Variants in CYP2E1 observed in about 807,000 individuals in gnomAD.
The protein encoded by CYP2E1 is cytochrome P450 2E1.
A neutral mutation model predicts 42.9 loss-of-function variants in CYP2E1; 31 were observed. The observed-to-expected ratio is 0.72, with a 90% confidence interval of 0.54 to 0.98. The LOEUF (loss-of-function observed/expected upper bound fraction) is 0.98, where lower values mean the gene tolerates loss of function less well. CYP2E1 is among the 50% of genes least tolerant of loss of function. The pLI is 0.00. For missense variants in CYP2E1, 565 were observed against 633.2 expected (o/e 0.89, Z 1.16); for synonymous variants, 244 against 248.9 (o/e 0.98, Z 0.19).
intron 4 of CYP2E1, among the ~76,000 whole-genome samples, chr10:133,532,486 T>C (rs748243360): frequency 1.3e-5 from 2 of 152,106 alleles, no homozygotes; most frequent in Non-Finnish European, 2.9e-5. Flanking sequence ...CGTCAGGATG[T>C]GTATCGACCT....
In CYP2E1 at chr10:133,532,820, C is replaced by T; in HGVS notation, c.777C>T (p.Pro259=). ...RVKEHHQSLD[P]NCPRDLTDCL... ...AGGAGCACCATCAATCTCTGGACCC[C>T]AACTGTCCCCGGGACCTCACCGACT... Residue 259 remains proline, a synonymous_variant, in exon 5 of 9, where the codon CCC becomes CCT. Transcript: ENST00000252945. The T allele has an allele frequency of 6.2e-7, 1 of 1,612,968 alleles. No homozygotes were observed. Among genetic ancestry groups the T allele is most frequent in the East Asian group, 2.2e-5 (1 of 44,792 alleles).
rs747170540 is a variant in CYP2E1 at position 133,528,569 on chromosome 10, C to T, written c.266C>T (p.Ala89Val). 9 of 1,613,414 alleles carry T rather than the reference C, an allele frequency of 5.6e-6. No homozygotes were observed. Among genetic ancestry groups the T allele is most frequent in the African/African-American group, 1.3e-5 (1 of 74,920 alleles). ...CACGGCTACAAGGCGGTGAAGGAAG[C>T]GCTGCTGGACTACAAGGACGAGTTC... Reference protein sequence around the residue: ...VMHGYKAVKEALLDYKDEFSG... With the variant: ...VMHGYKAVKEVLLDYKDEFSG... The change falls in exon 2 of 9, where the codon GCG (alanine) becomes GTG (valine). Residue 89 changes from alanine to valine, a missense_variant. By Grantham distance (64) the Ala-to-Val change is moderately conservative. Coordinates refer to ENST00000252945, the MANE Select transcript of CYP2E1 (RefSeq NM_000773.4).
In CYP2E1 at chr10:133,532,767, G is replaced by A. The variant is rs758094862; in HGVS notation, c.724G>A (p.Val242Ile). The A allele has an allele frequency of 3.7e-6, 6 of 1,613,594 alleles. No individual in the cohort carries two copies. Among genetic ancestry groups the A allele is most frequent in the Admixed American group, 3.3e-5 (2 of 59,988 alleles). The change falls in exon 5 of 9, where the codon GTA (valine) becomes ATA (isoleucine). Residue 242 changes from valine (V) to isoleucine (I), a missense_variant. Physicochemically the swap from Val to Ile is conservative, Grantham distance 29. Coordinates refer to ENST00000252945, the MANE Select transcript of CYP2E1 (RefSeq NM_000773.4). ...AAAAGTCATAAAAAATGTGGCTGAA[G>A]TAAAAGAGTATGTGTCTGAAAGGGT... ...HRKVIKNVAE[V>I]KEYVSERVKE... is the part of the protein sequence containing the mutation.
chr10:133,528,439 C>G (rs767655648), intron 1 of CYP2E1, 42 bp from the exon 2 acceptor site: 8 of 1,605,920 alleles, frequency 5.0e-6, no homozygotes, highest in Non-Finnish European at 6.8e-6. Context: ...CGCACCTCCT[C>G]GCCGCGCGGC....
Position 133,527,481 on chromosome 10 carries a change from G to C in CYP2E1, c.86G>C (p.Ser29Thr), listed in dbSNP as rs1317965193. The C allele has an allele frequency of 6.2e-7, 1 of 1,613,726 alleles. No individual in the cohort carries two copies. The highest frequency in any genetic ancestry group is 1.1e-5 in the South Asian group (1 of 91,064). ...LVSMWRQVHS[S>T]WNLPPGPFPL... The stretch of plus-strand genomic sequence containing the variant: ...TCCATGTGGAGGCAGGTGCACAGCA[G>C]CTGGAATCTGCCCCCAGGCCCTTTC... The change falls in exon 1 of 9, where the codon AGC becomes ACC. Residue 29 changes from serine to threonine, a missense_variant. Ser to Thr is a moderately conservative substitution (Grantham distance 58). Coordinates refer to ENST00000252945, the MANE Select transcript of CYP2E1 (RefSeq NM_000773.4).
rs1447828426 is a variant in CYP2E1 at position 133,527,389 on chromosome 10, C to T, written c.-7C>T. On this transcript the variant is annotated 5_prime_UTR_variant, in exon 1 of 9. Transcript: ENST00000252945. ...TCCCGGGCTGGCAGCAGGGCCCCAG[C>T]GGCACCATGTCTGCCCTCGGAGTCA... 2 of 1,597,080 alleles carry T rather than the reference C, an allele frequency of 1.3e-6. No individual in the cohort carries two copies. Among genetic ancestry groups the T allele is most frequent in the East Asian group, 2.2e-5 (1 of 44,492 alleles).
At position 133,533,863 on chromosome 10, in the gene CYP2E1, G is replaced by T. The variant is rs757319974; in HGVS notation, c.933G>T (p.Gly311=). ...CCACCAGCACAACTCTGAGATATGG[G>T]CTCCTGATTCTCATGAAATACCCTG... The part of the protein sequence containing the change: ...TETTSTTLRY[G]LLILMKYPEI... The change falls in exon 6 of 9, where the codon GGG becomes GGT. Residue 311 remains glycine, a synonymous_variant. Coordinates refer to ENST00000252945, the MANE Select transcript of CYP2E1 (RefSeq NM_000773.4). 1.4e-5 allele frequency: 23 copies of T among 1,614,022 alleles called. No individual in the cohort carries two copies. Among genetic ancestry groups the T allele is most frequent in the Non-Finnish European group, 1.9e-5 (22 of 1,180,014 alleles).
intron 2 of CYP2E1, among the ~76,000 whole-genome samples, 160 bp downstream of exon 2, chr10:133,528,800 G>C (rs567101726): frequency 5.3e-5 from 8 of 152,358 alleles, no homozygotes; most frequent in Admixed American, 2.0e-4. Context: ...TGGCCCCCGC[G>C]CGTTGCCTGC....
Position 133,532,173 on chromosome 10 carries a change from C to A in CYP2E1, c.537C>A (p.Val179=). ...TFLIGCAPCN[V]IADILFRKHF... ...TCATCGGCTGCGCGCCCTGCAACGT[C>A]ATAGCCGACATCCTCTTCCGCAAGC... Residue 179 remains valine, a synonymous_variant, in exon 4 of 9, where the codon GTC becomes GTA. Coordinates refer to ENST00000252945, the MANE Select transcript of CYP2E1 (RefSeq NM_000773.4). 1 of 1,614,034 alleles carries A rather than the reference C, an allele frequency of 6.2e-7. No individual in the cohort carries two copies. Among genetic ancestry groups the A allele is most frequent in the South Asian group, 1.1e-5 (1 of 91,068 alleles).
intron 2 of CYP2E1, 144 bp from the exon 3 acceptor site, chr10:133,531,441 C>A: frequency 2.0e-6 from 2 of 989,412 alleles, no homozygotes; most frequent in Non-Finnish European, 1.6e-6. Context: ...GGCTGGGACA[C>A]CCCTCTGTCT....
chr10:133,534,950 T>A (rs1413459831), intron 6 of CYP2E1, among the ~76,000 whole-genome samples: 1 of 151,814 alleles, frequency 6.6e-6, no homozygotes, highest in African/African-American at 2.4e-5. Context: ...TTGTAGCTTC[T>A]ACCTATTGGG....
chr10:133,539,021 G>T lies in CYP2E1; in HGVS notation c.*57G>T. On this transcript the variant is annotated 3_prime_UTR_variant, in exon 9 of 9. Transcript: ENST00000252945. Reference sequence around the variant, plus strand: ...TCAAACAAGTTTTCAAATTGTTTGAGGTCAGGATTTCTCAAACTGATTCCT... The same window carrying T: ...TCAAACAAGTTTTCAAATTGTTTGATGTCAGGATTTCTCAAACTGATTCCT... The T allele has an allele frequency of 1.4e-6, 2 of 1,419,446 alleles. No individual in the cohort carries two copies. The highest frequency in any genetic ancestry group is 2.4e-5 in the East Asian group (1 of 42,096). The allele number at this position is 1,419,446 out of a possible 1,614,324, so 87.9% of individuals were successfully genotyped here.
intron 6 of CYP2E1, among the ~76,000 whole-genome samples, chr10:133,535,211 A>G (rs796557978): frequency 1.7e-4 from 26 of 152,154 alleles, no homozygotes; most frequent in African/African-American, 5.8e-4. Context: ...GCACGCGCCT[A>G]TAGTCACAGC....
intron 6 of CYP2E1, among the ~76,000 whole-genome samples, chr10:133,536,758 T>A (rs139268159): frequency 6.4e-4 from 11 of 17,294 alleles, no homozygotes; most frequent in Non-Finnish European, 1.1e-3. Context: ...GGTGGATGGA[T>A]GGGTGGTTGG....
intron 6 of CYP2E1, among the ~76,000 whole-genome samples, chr10:133,534,319 G>A (rs996623966): frequency 2.0e-5 from 3 of 151,988 alleles, no homozygotes; most frequent in Admixed American, 2.0e-4. Context: ...CCTCAAATGC[G>A]GACGTGAGGA....
In CYP2E1 at chr10:133,528,325, G is replaced by A. The variant is rs1005807826; in HGVS notation, c.178-156G>A. On this transcript the variant is annotated intron_variant, in intron 1 of 8. Coordinates refer to ENST00000252945, the MANE Select transcript of CYP2E1 (RefSeq NM_000773.4). ...GACGCAGCAGCCTCTTGAGGGGAGG[G>A]TCTCCCCCACCTCGGGCTGGACAAA... The A allele has an allele frequency of 1.1e-5, 9 of 826,364 alleles. No homozygotes were observed. In the African/African-American group the frequency reaches 1.2e-4, roughly 11 times the overall value. The allele number at this position is 826,364 out of a possible 1,614,324, so 51.2% of individuals were successfully genotyped here.
chr10:133,528,165 G>A (rs1253201716), intron 1 of CYP2E1: 4 of 294,848 alleles, frequency 1.4e-5, no homozygotes, highest in Admixed American at 4.5e-5. Flanking sequence ...TCCGGAAGCG[G>A]GCAACGGGGT....
intron 8 of CYP2E1, 45 bp downstream of exon 8, chr10:133,537,937 C>A: frequency 6.3e-7 from 1 of 1,582,098 alleles, no homozygotes; most frequent in South Asian, 1.2e-5. Context: ...GAGCAGCCCA[C>A]ACTCCTCATC....
intron 2 of CYP2E1, among the ~76,000 whole-genome samples, chr10:133,531,244 C>G (rs560472820): frequency 6.6e-6 from 1 of 152,110 alleles, no homozygotes; most frequent in Admixed American, 6.5e-5. Flanking sequence ...TTGGAGTGGC[C>G]ATATGTGGTT....
Sources: allele counts gnomAD v4.1 joint callset (sites outside exome capture counted in the v4.1 genomes callset), GRCh38; gene constraint gnomAD v4.1.1; transcripts MANE v1.5; gene names NCBI Gene and HGNC (gene_info 2026-07-23, HGNC 2026-07-21).